ST8SIA6: variants seen among roughly 807,000 people sequenced by gnomAD.
ST8SIA6 encodes alpha-2,8-sialyltransferase 8F.
Under a neutral mutation model 33.6 loss-of-function variants are expected in ST8SIA6, and 39 were observed. The ratio of observed to expected loss-of-function variants is 1.16; its 90% CI spans 0.90 to 1.52. The LOEUF (loss-of-function observed/expected upper bound fraction) is 1.52, where lower values mean the gene tolerates loss of function less well. Among genes scored for constraint, ST8SIA6 ranks in the 40% most tolerant of loss-of-function variants. The pLI is 0.00. For synonymous variants in ST8SIA6, 172 were observed against 167.2 expected (o/e 1.03, Z -0.22); for missense variants, 441 against 443.8 (o/e 0.99, Z 0.06).
At chr10:17,418,163 A>G (rs541542936) in intron 2 of ST8SIA6, among the ~76,000 whole-genome samples, 7 of 152,080 alleles carry the variant, frequency 4.6e-5, no homozygotes, top group African/African-American at 1.4e-4. Flanking sequence ...GTCTCAAGCA[A>G]TCCTCCCACC....
At chr10:17,381,029 A>G (rs917417026) in intron 3 of ST8SIA6, among the ~76,000 whole-genome samples, 11 of 135,136 alleles carry the variant, frequency 8.1e-5, no homozygotes, top group Admixed American at 1.6e-4. Context: ...TTTTTGAGCA[A>G]AAGTTTTTTT....
intron 2 of ST8SIA6, among the ~76,000 whole-genome samples, chr10:17,439,122 A>G (rs913518197): frequency 6.6e-6 from 1 of 152,192 alleles, no homozygotes; most frequent in African/African-American, 2.4e-5. Flanking sequence ...TGAAAATGCT[A>G]TCTTCTTCAT....
intron 3 of ST8SIA6, among the ~76,000 whole-genome samples, chr10:17,372,388 C>G (rs779658999): frequency 1.1e-4 from 17 of 152,154 alleles, no homozygotes; most frequent in Non-Finnish European, 2.4e-4. Context: ...ACTTAAAATT[C>G]TGCTGTCATT....
chr10:17,406,394 TCCCCTTTGTCTTGTCACTTCTC>T (rs1851259140), intron 2 of ST8SIA6, among the ~76,000 whole-genome samples: 2 of 152,192 alleles, frequency 1.3e-5, no homozygotes, highest in Admixed American at 6.5e-5. Context: ...TGGGACAGCT[TCCCCTTTGTCTTGTCACTTCTC>T]TGAGCTGTAT....
chr10:17,443,546 G>T (rs1269956966), intron 2 of ST8SIA6, among the ~76,000 whole-genome samples: 1 of 152,212 alleles, frequency 6.6e-6, no homozygotes, highest in African/African-American at 2.4e-5. Flanking sequence ...AGCACAGGTT[G>T]TGCCCTATAA....
intron 2 of ST8SIA6, among the ~76,000 whole-genome samples, chr10:17,403,935 C>T (rs1851145487): frequency 6.6e-6 from 1 of 151,724 alleles, no homozygotes; most frequent in South Asian, 2.1e-4. Context: ...TGTGGTGGTG[C>T]ATGCCTTTAA....
chr10:17,422,641 T>G (rs1036496316), intron 2 of ST8SIA6, among the ~76,000 whole-genome samples: 1 of 152,214 alleles, frequency 6.6e-6, no homozygotes, highest in Non-Finnish European at 1.5e-5. Flanking sequence ...ATACACATTC[T>G]AAACACTTAG....
At chr10:17,327,688 C>G (rs75415449) in intron 5 of ST8SIA6, among the ~76,000 whole-genome samples, 1 of 152,106 alleles carries the variant, frequency 6.6e-6, no homozygotes, top group Non-Finnish European at 1.5e-5. Context: ...GAGAGAGTCA[C>G]TTGAGGCCAA....
Position 17,316,943 on chromosome 10 carries a change from C to CATTT in ST8SIA6, c.*3931_*3934dup, listed in dbSNP as rs1289394863. ...TGTCATTCACTGACTAGAACTCTTT[C>CATTT]ATTTTAATACAGTCATAGCCATCCT... is the stretch of plus-strand genomic sequence containing the variant. On this transcript the variant is annotated 3_prime_UTR_variant, in exon 8 of 8. Coordinates refer to ENST00000377602, the MANE Select transcript of ST8SIA6 (RefSeq NM_001004470.3). Among the ~76,000 whole-genome samples, 1 of 151,758 alleles carries CATTT rather than the reference C, an allele frequency of 6.6e-6. No homozygotes were observed. The highest frequency in any genetic ancestry group is 1.5e-5 in the Non-Finnish European group (1 of 68,006).
At chr10:17,344,482 A>T (rs1848770717) in intron 4 of ST8SIA6, among the ~76,000 whole-genome samples, 1 of 152,090 alleles carries the variant, frequency 6.6e-6, no homozygotes, top group African/African-American at 2.4e-5. Context: ...ATCTCATGAG[A>T]CTTACTCACT....
chr10:17,408,641 CAG>C (rs1215887256), intron 2 of ST8SIA6, among the ~76,000 whole-genome samples: 1 of 151,126 alleles, frequency 6.6e-6, no homozygotes, highest in Non-Finnish European at 1.5e-5. Context: ...GCCTGGGTGA[CAG>C]AGCGAGATTG....
rs117416076 is a variant in ST8SIA6, at chr10:17,365,782, A to G, written c.291-6182T>C. Among the ~76,000 whole-genome samples the G allele has an allele frequency of 5.5e-3, 833 of 152,356 alleles. 2 individuals are homozygous for G. Among genetic ancestry groups the G allele is most frequent in the Admixed American group, 0.013 (194 of 15,302 alleles). On this transcript the variant is annotated intron_variant, in intron 3 of 7. Transcript: ENST00000377602. ...AGTACATAGAAGTTATCTTGGAGAT[A>G]CTGATTTACTAGTCTTATGTAAGCA...
At chr10:17,401,520 A>T (rs902981797) in intron 2 of ST8SIA6, among the ~76,000 whole-genome samples, 1 of 152,214 alleles carries the variant, frequency 6.6e-6, no homozygotes, top group African/African-American at 2.4e-5. Flanking sequence ...ACGCTACCTG[A>T]CTTCAAATTA....
intron 2 of ST8SIA6, 108 bp downstream of exon 2, chr10:17,453,451 G>T: frequency 1.2e-6 from 1 of 822,476 alleles, no homozygotes; most frequent in Non-Finnish European, 1.6e-6. Context: ...ACTCACTCGC[G>T]CCGTCCCAGC....
At chr10:17,381,103 T>TTGAA (rs1263675807) in intron 3 of ST8SIA6, among the ~76,000 whole-genome samples, 2 of 152,182 alleles carry the variant, frequency 1.3e-5, no homozygotes, top group African/African-American at 4.8e-5. Context: ...AACATAGTTA[T>TTGAA]TGAAACAGAG....
chr10:17,399,234 C>T (rs2131675801), intron 2 of ST8SIA6: 1 of 152,274 alleles, frequency 6.6e-6, no homozygotes, highest in South Asian at 2.1e-4. Context: ...AGGTAGAAAA[C>T]AGTTTCTTTG....
At chr10:17,436,546 T>C (rs61844067) in intron 2 of ST8SIA6, among the ~76,000 whole-genome samples, 50,873 of 123,956 alleles carry the variant, frequency 0.41, 12,922 homozygotes, top group African/African-American at 0.75. Context: ...CAACAGTCCC[T>C]GGTGTGTGAT....
chr10:17,447,936 A>G (rs949929996), intron 2 of ST8SIA6, among the ~76,000 whole-genome samples: 3 of 152,126 alleles, frequency 2.0e-5, no homozygotes, highest in Non-Finnish European at 4.4e-5. Context: ...AGTAGCTGGC[A>G]TTACAGACAC....
At position 17,323,116 on chromosome 10, in the gene ST8SIA6, A is replaced by G. The variant is rs779634613; in HGVS notation, c.677T>C (p.Val226Ala). ...PPTTGDVSKD[V>A]GSKTNLVTIN... ...AGTCACAAGATTTGTTTTACTGCCA[A>G]CATCTTTACTAACATCTCCTGTGGT... The change falls in exon 7 of 8, where the codon GTT becomes GCT. Residue 226 changes from valine to alanine, a missense_variant. By Grantham distance (64) the Val-to-Ala change is moderately conservative. Coordinates refer to ENST00000377602, the MANE Select transcript of ST8SIA6 (RefSeq NM_001004470.3). 8 of 1,613,862 alleles carry G rather than the reference A, an allele frequency of 5.0e-6. No individual in the cohort carries two copies. The highest frequency in any genetic ancestry group is 6.8e-6 in the Non-Finnish European group (8 of 1,179,866).
Sources: allele counts gnomAD v4.1 joint callset (sites outside exome capture counted in the v4.1 genomes callset), GRCh38; gene constraint gnomAD v4.1.1; transcripts MANE v1.5; gene names NCBI Gene and HGNC (gene_info 2026-07-23, HGNC 2026-07-21).